Variants in ZNF83 observed in about 807,000 individuals in gnomAD.
The protein encoded by ZNF83 is zinc finger protein 816B.
For missense variants in ZNF83, 552 were observed against 629.9 expected (o/e 0.88, Z 1.32); for synonymous variants, 209 against 213.0 (o/e 0.98, Z 0.17).
intron 1 of ZNF83, among the ~76,000 whole-genome samples, chr19:52,683,366 C>T (rs560941961): frequency 4.6e-5 from 7 of 152,174 alleles, no homozygotes; most frequent in African/African-American, 1.7e-4. Context: ...CCTCGGGCTG[C>T]AGTTCACTGT....
chr19:52,624,019 C>A (rs1454281077), intron 2 of ZNF83, among the ~76,000 whole-genome samples: 1 of 152,174 alleles, frequency 6.6e-6, no homozygotes, highest in Non-Finnish European at 1.5e-5. Flanking sequence ...CCCCTCATCC[C>A]AGCCCCTCTT....
chr19:52,680,691 C>CAA, intron 1 of ZNF83, among the ~76,000 whole-genome samples: 1 of 136,744 alleles, frequency 7.3e-6, no homozygotes, highest in Non-Finnish European at 1.5e-5. Context: ...CGGCTCACTG[C>CAA]AAGCTCCGCC....
chr19:52,647,061 C>T (rs555418520), intron 3 of ZNF83, among the ~76,000 whole-genome samples: 4 of 152,228 alleles, frequency 2.6e-5, no homozygotes, highest in African/African-American at 7.2e-5. Context: ...TCCTATGTTT[C>T]ACCCATTGAT....
At chr19:52,679,008 G>C (rs1479302176) in intron 1 of ZNF83, among the ~76,000 whole-genome samples, 2 of 151,482 alleles carry the variant, frequency 1.3e-5, no homozygotes, top group Non-Finnish European at 2.9e-5. Flanking sequence ...CTAAAATATA[G>C]GGATTTCATT....
chr19:52,683,027 C>G (rs1411990557), intron 1 of ZNF83, among the ~76,000 whole-genome samples: 1 of 152,030 alleles, frequency 6.6e-6, no homozygotes, highest in Non-Finnish European at 1.5e-5. Context: ...TGTGCCACCA[C>G]ACCCAGCTAA....
intron 1 of ZNF83, among the ~76,000 whole-genome samples, chr19:52,685,559 AAGTC>A (rs2062000681): frequency 6.6e-6 from 1 of 152,230 alleles, no homozygotes; most frequent in Admixed American, 6.5e-5. Flanking sequence ...CAGGGAAAGA[AAGTC>A]AGCTGTAGAA....
At chr19:52,642,847 C>T (rs2061325888), upstream of ZNF83, among the ~76,000 whole-genome samples, 1 of 151,976 alleles carries the variant, frequency 6.6e-6, no homozygotes, top group South Asian at 2.1e-4. Flanking sequence ...ATGGTGAAAC[C>T]CTGTCTCTAC....
At chr19:52,683,228 CTGTGTGTGTGTGTGTGTGTG>C (rs67463602) in intron 1 of ZNF83, among the ~76,000 whole-genome samples, 7,199 of 128,020 alleles carry the variant, frequency 0.056, 605 homozygotes, top group African/African-American at 0.2. Flanking sequence ...CCCTGTGACT[CTGTGTGTGTGTGTGTGTGTG>C]TGTGTGTGTG....
At chr19:52,679,622 A>G (rs1379203756) in intron 1 of ZNF83, among the ~76,000 whole-genome samples, 8 of 152,128 alleles carry the variant, frequency 5.3e-5, no homozygotes, top group African/African-American at 9.7e-5. Context: ...AAAAATAAAT[A>G]AATAAAAGAA....
At position 52,659,930 on chromosome 19, in the gene ZNF83, C is replaced by T. The variant is rs186162212; in HGVS notation, c.-201+832G>A. ...TCTCGGCTGGGTGGGCGGTAACTCA[C>T]GCCTGTAATCCCACGACCTTGGGAG... On this transcript the variant is annotated intron_variant, in intron 2 of 5. Transcript: ENST00000594682. 5.3e-5 allele frequency among the ~76,000 whole-genome samples: 8 copies of T among 152,232 alleles called. No homozygotes were observed. The East Asian group carries it at 9.7e-4, about 18-fold the overall frequency.
chr19:52,690,447 G>C (rs1206645954), exon 1 of ZNF83: 1 of 186,260 alleles, frequency 5.4e-6, no homozygotes, highest in African/African-American at 2.4e-5. Flanking sequence ...ACTCACCGCC[G>C]CGGTGTGACC....
At chr19:52,665,150 G>A (rs1432684985) in intron 1 of ZNF83, among the ~76,000 whole-genome samples, 2 of 152,164 alleles carry the variant, frequency 1.3e-5, no homozygotes, top group Non-Finnish European at 2.9e-5. Flanking sequence ...ACTGGGGTGG[G>A]AGAGTCCACC....
At chr19:52,643,486 G>A (rs540885946) in intron 3 of ZNF83, among the ~76,000 whole-genome samples, 2 of 152,158 alleles carry the variant, frequency 1.3e-5, no homozygotes, top group African/African-American at 4.8e-5. Flanking sequence ...TGGATCAAGA[G>A]GTCAGGAGAT....
intron 1 of ZNF83, among the ~76,000 whole-genome samples, chr19:52,677,306 T>TAAAAAAAA (rs67835464): frequency 5.6e-5 from 6 of 106,444 alleles, no homozygotes; most frequent in Non-Finnish European, 9.8e-5. Context: ...AATTGAGAAG[T>TAAAAAAAA]AAAAAAAAAA....
Position 52,654,220 on chromosome 19 carries a change from T to C in ZNF83, c.-74+1341A>G, listed in dbSNP as rs180690537. 691 of 1,585,836 alleles carry C rather than the reference T, an allele frequency of 4.4e-4. 4 individuals are homozygous for C. The African/African-American group carries it at 7.3e-3, about 17-fold the overall frequency. ...TTTGATTTTTGTCATGGGTGCTTCA[T>C]GGCCATTTCTTTTAATTTCTTGCCA... On this transcript the variant is annotated intron_variant, in intron 3 of 5. Coordinates refer to the ZNF83 transcript ENST00000594682.
At chr19:52,646,570 AT>A (rs1343780866) in intron 3 of ZNF83, among the ~76,000 whole-genome samples, 2 of 152,172 alleles carry the variant, frequency 1.3e-5, no homozygotes, top group African/African-American at 2.4e-5. Flanking sequence ...TAATTAGTTA[AT>A]TAAATTAAAA....
At chr19:52,655,525 G>T in intron 3 of ZNF83, 1 of 1,446,870 alleles carries the variant, frequency 6.9e-7, no homozygotes, top group Admixed American at 1.8e-5. Context: ...ATAGACAAGG[G>T]CAGATTCCTC....
intron 3 of ZNF83, chr19:52,654,019 G>A: frequency 3.9e-6 from 6 of 1,557,826 alleles, no homozygotes; most frequent in Non-Finnish European, 5.3e-6. Context: ...TCTTTGGGAT[G>A]TTGAAACCAA....
At chr19:52,684,629 A>G (rs2061983642) in intron 1 of ZNF83, among the ~76,000 whole-genome samples, 1 of 151,362 alleles carries the variant, frequency 6.6e-6, no homozygotes, top group African/African-American at 2.4e-5. Flanking sequence ...GAGTAACGTG[A>G]TAGAGACTGG....
Sources: allele counts gnomAD v4.1 joint callset (sites outside exome capture counted in the v4.1 genomes callset), GRCh38; gene constraint gnomAD v4.1.1; transcripts MANE v1.5; gene names NCBI Gene and HGNC (gene_info 2026-07-23, HGNC 2026-07-21).